The following TRPC4 variants were observed in gnomAD, a reference collection of about 807,000 sequenced individuals.
The protein encoded by TRPC4 is transient receptor potential cation channel subfamily C member 4.
A neutral mutation model predicts 99.4 loss-of-function variants in TRPC4; 49 were observed. The observed-to-expected ratio is 0.49, with a 90% CI of 0.39 to 0.63. The LOEUF is 0.63. TRPC4 is among the 20% of genes least tolerant of loss of function. The pLI, the probability that TRPC4 is intolerant of heterozygous loss-of-function variation, is 0.00. For missense variants in TRPC4, 898 were observed against 1,152.9 expected, an observed-to-expected ratio of 0.78 and a Z score of 3.20; for synonymous variants, 454 against 425.9, an observed-to-expected ratio of 1.07 and a Z score of -0.81.
chr13:37,739,286 A>G (rs1955506039), intron 3 of TRPC4, among the ~76,000 whole-genome samples: 1 of 152,150 alleles, frequency 6.6e-6, no homozygotes, highest in African/African-American at 2.4e-5. Context: ...GGAAAAGGAC[A>G]TGGTAATTGA....
intron 1 of TRPC4, among the ~76,000 whole-genome samples, chr13:37,856,283 T>G (rs1959173465): frequency 6.6e-6 from 1 of 151,016 alleles, no homozygotes; most frequent in Non-Finnish European, 1.5e-5. Context: ...AATGGACAAA[T>G]TCCTGGACAC....
At position 37,692,245 on chromosome 13, in the gene TRPC4, T is replaced by A. The variant is rs1953739489; in HGVS notation, c.988A>T (p.Met330Leu). Reference protein sequence around the residue: ...GWRRRHWAVKMVTCFIIGLLF... With the variant: ...GWRRRHWAVKLVTCFIIGLLF... ...AGTCCTATTATGAAACATGTCACCATCTTCACTGCCCAGTGTCTTCTCCTC... is the reference window on the plus strand; with the variant it reads ...AGTCCTATTATGAAACATGTCACCAACTTCACTGCCCAGTGTCTTCTCCTC... Residue 330 changes from methionine to leucine, a missense_variant, in exon 4 of 11, where the codon ATG becomes TTG. This residue lies in a region of TRPC4 where 274 missense variants were observed against 454.9 expected (regional missense o/e 0.60). Coordinates refer to ENST00000379705, the MANE Select transcript of TRPC4 (RefSeq NM_016179.4). 1 of 1,614,116 alleles carries A rather than the reference T, an allele frequency of 6.2e-7. No individual in the cohort carries two copies. Among genetic ancestry groups the A allele is most frequent in the Non-Finnish European group, 8.5e-7 (1 of 1,180,004 alleles).
chr13:37,638,970 T>G (rs2047145720), intron 10 of TRPC4, 70 bp downstream of exon 10: 2 of 1,522,986 alleles, frequency 1.3e-6, no homozygotes, highest in African/African-American at 2.7e-5. Flanking sequence ...CAGCTCTGAT[T>G]TTAAATGTGC....
intron 2 of TRPC4, among the ~76,000 whole-genome samples, chr13:37,764,211 C>A (rs1393638586): frequency 2.6e-5 from 4 of 151,032 alleles, no homozygotes; most frequent in African/African-American, 9.7e-5. Context: ...ATAAAGTTTT[C>A]TATTTTTCCT....
At chr13:37,721,329 A>C (rs184801732) in intron 3 of TRPC4, among the ~76,000 whole-genome samples, 1 of 152,296 alleles carries the variant, frequency 6.6e-6, no homozygotes, top group East Asian at 1.9e-4. Flanking sequence ...CCAGTAAGTC[A>C]TTTATTGAAA....
chr13:37,655,294 G>A lies in TRPC4; in HGVS notation c.1689-11C>T. On this transcript the variant is annotated splice_polypyrimidine_tract_variant and intron_variant, in intron 6 of 10. Transcript: ENST00000379705. The stretch of plus-strand genomic sequence containing the variant: ...AGTGTCTCAAATAACCTGTAATAAA[G>A]ATAAAATGATACTAATAGCTATATT... The A allele has an allele frequency of 1.4e-6, 2 of 1,477,838 alleles. No homozygotes were observed. The highest frequency in any genetic ancestry group is 1.8e-6 in the Non-Finnish European group (2 of 1,105,144). 91.5% of individuals were successfully genotyped at this position (1,477,838 alleles called of 1,614,324 possible).
Position 37,712,284 on chromosome 13 carries a change from A to G in TRPC4, c.898-19949T>C, listed in dbSNP as rs140013124. On this transcript the variant is annotated intron_variant, in intron 3 of 10. Transcript: ENST00000379705. ...TTTTCACTATTACCCAATGCTACAT[A>G]GTACAGGGGATTTGCATTCCTCTCT... 9.8e-5 allele frequency among the ~76,000 whole-genome samples: 15 copies of G among 152,288 alleles called. No individual in the cohort carries two copies. In the East Asian group the frequency reaches 2.9e-3, roughly 29 times the overall value.
intron 2 of TRPC4, among the ~76,000 whole-genome samples, chr13:37,747,855 A>C (rs972891417): frequency 6.6e-6 from 1 of 152,158 alleles, no homozygotes; most frequent in African/African-American, 2.4e-5. Flanking sequence ...GGGTGACCAC[A>C]CTGCCTGTTA....
intron 2 of TRPC4, among the ~76,000 whole-genome samples, chr13:37,757,756 G>A (rs1482503486): frequency 1.3e-5 from 2 of 151,758 alleles, no homozygotes. Flanking sequence ...AAGAACACCT[G>A]GAGAAAAGTC....
chr13:37,686,733 A>G (rs967428302), intron 4 of TRPC4, among the ~76,000 whole-genome samples: 2 of 152,178 alleles, frequency 1.3e-5, no homozygotes, highest in Admixed American at 1.3e-4. Flanking sequence ...TAGGAATTCA[A>G]TAGAAGCTAT....
intron 3 of TRPC4, among the ~76,000 whole-genome samples, chr13:37,745,519 CGTATATATGT>C (rs1955744809): frequency 9.5e-6 from 1 of 104,780 alleles, no homozygotes; most frequent in African/African-American, 4.7e-5. Context: ...TATATATATA[CGTATATATGT>C]ATATATACGT....
At chr13:37,773,573 G>A (rs2139302421) in intron 2 of TRPC4, among the ~76,000 whole-genome samples, 1 of 151,898 alleles carries the variant, frequency 6.6e-6, no homozygotes, top group Non-Finnish European at 1.5e-5. Flanking sequence ...CCCACATGGT[G>A]CTGGAGGGAG....
At chr13:37,757,330 A>G (rs1174223484) in intron 2 of TRPC4, among the ~76,000 whole-genome samples, 1 of 152,092 alleles carries the variant, frequency 6.6e-6, no homozygotes, top group Non-Finnish European at 1.5e-5. Context: ...TTTAGAAGTC[A>G]GTAAAACTAA....
At chr13:37,654,238 G>A (rs559010512) in intron 7 of TRPC4, among the ~76,000 whole-genome samples, 18 of 152,210 alleles carry the variant, frequency 1.2e-4, no homozygotes, top group South Asian at 8.3e-4. Flanking sequence ...ATTCAAAGGT[G>A]TAATGGAATG....
chr13:37,837,693 G>A (rs1958604117), intron 1 of TRPC4, among the ~76,000 whole-genome samples: 1 of 152,188 alleles, frequency 6.6e-6, no homozygotes, highest in Non-Finnish European at 1.5e-5. Flanking sequence ...TATCTTGGAT[G>A]AGACTTTGCA....
At chr13:37,768,591 G>T (rs1028437354) in intron 2 of TRPC4, among the ~76,000 whole-genome samples, 3 of 151,062 alleles carry the variant, frequency 2.0e-5, no homozygotes, top group Non-Finnish European at 4.4e-5. Context: ...CAATTTACAA[G>T]TTCTGTAGCA....
At chr13:37,786,069 C>T (rs1293370617) in intron 1 of TRPC4, among the ~76,000 whole-genome samples, 2 of 151,884 alleles carry the variant, frequency 1.3e-5, no homozygotes, top group Non-Finnish European at 2.9e-5. Flanking sequence ...TCAACACTTA[C>T]CAAGGAATGG....
chr13:37,826,500 C>T (rs1435344830), intron 1 of TRPC4, among the ~76,000 whole-genome samples: 5 of 148,280 alleles, frequency 3.4e-5, no homozygotes, highest in Non-Finnish European at 5.9e-5. Context: ...ATTTGCTTGT[C>T]TGTAAAGGAT....
At chr13:37,782,823 G>T in intron 2 of TRPC4, 133 bp downstream of exon 2, 1 of 879,370 alleles carries the variant, frequency 1.1e-6, no homozygotes, top group Non-Finnish European at 1.6e-6. Context: ...TTATAATATA[G>T]TTCAGATTTT....
Sources: gnomAD v4.1 joint callset for allele counts (sites outside exome capture counted in the v4.1 genomes callset) on GRCh38, gnomAD v4.1.1 for gene constraint, gnomAD v4.1.1 regional missense constraint, MANE v1.5 for transcripts, NCBI Gene and HGNC (gene_info 2026-07-23, HGNC 2026-07-21) for gene names.